SLC30A8: variants seen among roughly 807,000 people sequenced by gnomAD.
The protein encoded by SLC30A8 is solute carrier family 30 member 8, also known as proton-coupled zinc antiporter SLC30A8.
SLC30A8 carries 27 observed loss-of-function variants against 36.9 expected under a neutral mutation model. That is an observed-to-expected ratio of 0.73 (90% CI 0.54 to 1.01). The LOEUF (loss-of-function observed/expected upper bound fraction) is 1.01, where lower values mean the gene tolerates loss of function less well. SLC30A8 is among the 50% of genes least tolerant of loss of function. SLC30A8 has a pLI of 0.00. For synonymous variants in SLC30A8, 164 were observed against 172.4 expected (o/e 0.95, Z 0.38); for missense variants, 439 against 452.0 (o/e 0.97, Z 0.26).
chr8:117,060,050 A>G (rs17745233), intron 2 of SLC30A8, among the ~76,000 whole-genome samples: 17,212 of 152,228 alleles, frequency 0.11, 1,216 homozygotes, highest in Non-Finnish European at 0.16. Context: ...GATGCCATTA[A>G]TGGAAGCAGG....
intron 2 of SLC30A8, among the ~76,000 whole-genome samples, chr8:117,151,373 A>ATAAT (rs973775609): frequency 8.4e-4 from 128 of 152,290 alleles, no homozygotes; most frequent in African/African-American, 2.7e-3. Context: ...TATTGGCTGG[A>ATAAT]TAATTGAATT....
At chr8:117,168,479 G>T (rs1159273286) in intron 6 of SLC30A8, among the ~76,000 whole-genome samples, 1 of 152,124 alleles carries the variant, frequency 6.6e-6, no homozygotes, top group Non-Finnish European at 1.5e-5. Context: ...TTTCCTGGAT[G>T]CATTAATATT....
chr8:116,990,304 A>G (rs1253722790), intron 1 of SLC30A8, among the ~76,000 whole-genome samples: 2 of 151,958 alleles, frequency 1.3e-5, no homozygotes, highest in African/African-American at 4.8e-5. Flanking sequence ...TCTGAAGAAT[A>G]GTGTTTAGAA....
At chr8:117,120,885 T>G (rs1820669954) in intron 2 of SLC30A8, among the ~76,000 whole-genome samples, 1 of 151,684 alleles carries the variant, frequency 6.6e-6, no homozygotes, top group African/African-American at 2.4e-5. Context: ...GAAAAGATGC[T>G]CAATATCACT....
At chr8:117,061,399 C>T (rs1242222102) in intron 2 of SLC30A8, among the ~76,000 whole-genome samples, 1 of 152,192 alleles carries the variant, frequency 6.6e-6, no homozygotes, top group Admixed American at 6.5e-5. Flanking sequence ...ATAACTGATA[C>T]ATAGTGCCTT....
intron 2 of SLC30A8, among the ~76,000 whole-genome samples, chr8:117,151,214 C>G (rs1044280154): frequency 2.0e-5 from 3 of 152,160 alleles, no homozygotes; most frequent in African/African-American, 7.2e-5. Flanking sequence ...CTCACTCTTC[C>G]CAGTGAGGGC....
intron 1 of SLC30A8, among the ~76,000 whole-genome samples, chr8:117,006,734 C>T (rs531189487): frequency 1.1e-4 from 16 of 149,800 alleles, no homozygotes; most frequent in African/African-American, 3.7e-4. Context: ...TAACATCACA[C>T]GGCTAGTTAG....
chr8:117,141,117 C>T (rs1032099820), intron 1 of SLC30A8, among the ~76,000 whole-genome samples: 1 of 152,084 alleles, frequency 6.6e-6, no homozygotes, highest in Non-Finnish European at 1.5e-5. Flanking sequence ...TTAATATTAA[C>T]TCATCACAAA....
At position 117,157,747 on chromosome 8, in the gene SLC30A8, G is replaced by A. The variant is rs1263813288; in HGVS notation, c.475G>A (p.Val159Met). Residue 159 changes from valine to methionine, a missense_variant, in exon 4 of 8, where the codon GTG becomes ATG. Physicochemically the swap from Val to Met is conservative, Grantham distance 21. Coordinates refer to ENST00000456015, the MANE Select transcript of SLC30A8 (RefSeq NM_173851.3). ...CATCTGGGTGGTGACTGGCGTGCTA[G>A]TGTACCTGGCATGTGAGCGCCTGCT... is the stretch of plus-strand genomic sequence containing the variant. ...LCIWVVTGVL[V>M]YLACERLLYP... 5 of 1,614,134 alleles carry A rather than the reference G, an allele frequency of 3.1e-6. No individual in the cohort carries two copies. Among genetic ancestry groups the A allele is most frequent in the Non-Finnish European group, 4.2e-6 (5 of 1,179,998 alleles).
intron 2 of SLC30A8, among the ~76,000 whole-genome samples, chr8:117,112,520 C>T (rs1820274630): frequency 6.6e-6 from 1 of 152,102 alleles, no homozygotes; most frequent in South Asian, 2.1e-4. Context: ...AGGGAGAAAG[C>T]CCCGGCTCTA....
chr8:117,112,352 TA>T (rs1820265719), intron 2 of SLC30A8, among the ~76,000 whole-genome samples: 1 of 152,176 alleles, frequency 6.6e-6, no homozygotes, highest in African/African-American at 2.4e-5. Context: ...TTACTCTTAA[TA>T]AAGCCCTTTA....
chr8:117,090,567 G>A (rs2130828941), intron 2 of SLC30A8, among the ~76,000 whole-genome samples: 1 of 152,242 alleles, frequency 6.6e-6, no homozygotes, highest in South Asian at 2.1e-4. Flanking sequence ...GGGTAGAAAG[G>A]GTGAGAGAGC....
At chr8:117,032,266 A>G (rs919515666) in intron 1 of SLC30A8, among the ~76,000 whole-genome samples, 2 of 151,598 alleles carry the variant, frequency 1.3e-5, no homozygotes, top group Admixed American at 6.6e-5. Flanking sequence ...TAGTATGATT[A>G]TTTGCTTATC....
At chr8:116,996,346 C>A (rs1008018188) in intron 1 of SLC30A8, among the ~76,000 whole-genome samples, 2 of 152,030 alleles carry the variant, frequency 1.3e-5, no homozygotes, top group Non-Finnish European at 2.9e-5. Flanking sequence ...CATTGTCTGT[C>A]TTTATTTTAT....
intron 2 of SLC30A8, among the ~76,000 whole-genome samples, chr8:117,069,113 A>G (rs1818253388): frequency 6.6e-6 from 1 of 152,118 alleles, no homozygotes; most frequent in Non-Finnish European, 1.5e-5. Flanking sequence ...TACTTTTACA[A>G]TTTTATTAGA....
At chr8:117,148,674 G>A (rs1822017219) in intron 2 of SLC30A8, among the ~76,000 whole-genome samples, 1 of 152,036 alleles carries the variant, frequency 6.6e-6, no homozygotes. Flanking sequence ...AATATGTTAT[G>A]TTTCTCCGTT....
chr8:117,005,068 G>C (rs1161855450), intron 1 of SLC30A8, among the ~76,000 whole-genome samples: 4 of 152,092 alleles, frequency 2.6e-5, no homozygotes, highest in Non-Finnish European at 5.9e-5. Context: ...TATTTACACA[G>C]AGTTGTGTAA....
At chr8:116,981,135 T>C (rs902123473) in intron 1 of SLC30A8, among the ~76,000 whole-genome samples, 1 of 152,218 alleles carries the variant, frequency 6.6e-6, no homozygotes, top group Non-Finnish European at 1.5e-5. Flanking sequence ...ACTGCCACAA[T>C]AATTTCACTT....
chr8:116,987,040 C>T (rs4242568), intron 1 of SLC30A8, among the ~76,000 whole-genome samples: 57,852 of 151,952 alleles, frequency 0.38, 12,030 homozygotes, highest in South Asian at 0.49. Context: ...AATATGATAG[C>T]GCACTGACAA....
Sources: allele counts gnomAD v4.1 joint callset (sites outside exome capture counted in the v4.1 genomes callset), GRCh38; gene constraint gnomAD v4.1.1; transcripts MANE v1.5; gene names NCBI Gene and HGNC (gene_info 2026-07-23, HGNC 2026-07-21).